The following ENOX1 variants were observed in gnomAD, a reference collection of about 807,000 sequenced individuals.
The protein encoded by ENOX1 is ecto-NOX disulfide-thiol exchanger 1, also known as candidate growth-related and time keeping constitutive hydroquinone (NADH) oxidase.
In ENOX1, 42 loss-of-function variants were observed where a neutral mutation model predicts 82.5. The observed-to-expected ratio is 0.51, with a 90% CI of 0.40 to 0.66. ENOX1 has a LOEUF of 0.66. Among genes scored for constraint, ENOX1 ranks in the 30% least tolerant of loss-of-function variants. The probability of loss-of-function intolerance (pLI) is 0.00; values close to 1 mark genes in which losing one functional copy is unlikely to be tolerated. For synonymous variants in ENOX1, 271 were observed against 282.2 expected (o/e 0.96, Z 0.40); for missense variants, 608 against 811.6 (o/e 0.75, Z 3.05).
chr13:43,708,305 A>T (rs1019284842), intron 1 of ENOX1, among the ~76,000 whole-genome samples: 1 of 152,142 alleles, frequency 6.6e-6, no homozygotes, highest in East Asian at 1.9e-4. Context: ...TCGACAGCCC[A>T]CCCTAAGGGA....
chr13:43,486,462 C>T (rs1566353843), intron 2 of ENOX1, among the ~76,000 whole-genome samples: 2 of 152,062 alleles, frequency 1.3e-5, no homozygotes, highest in African/African-American at 4.8e-5. Flanking sequence ...ACTAGTAGGC[C>T]CAGTTTTTAT....
chr13:43,625,001 A>C (rs1355834852), intron 2 of ENOX1, among the ~76,000 whole-genome samples: 4 of 152,084 alleles, frequency 2.6e-5, no homozygotes, highest in African/African-American at 7.2e-5. Context: ...TCCACTCCAT[A>C]AACATGGTAT....
intron 13 of ENOX1, among the ~76,000 whole-genome samples, chr13:43,268,297 A>G (rs1225118711): frequency 2.0e-5 from 3 of 152,158 alleles, no homozygotes; most frequent in Admixed American, 2.0e-4. Flanking sequence ...AACAGTGGAA[A>G]GCACAGTGAT....
At chr13:43,609,985 T>C in intron 2 of ENOX1, 2 of 760,298 alleles carry the variant, frequency 2.6e-6, no homozygotes, top group Non-Finnish European at 3.2e-6. Flanking sequence ...TATCAGGAAA[T>C]AACTTCCTAT....
At chr13:43,327,404 G>T (rs1423833336) in intron 9 of ENOX1, among the ~76,000 whole-genome samples, 2 of 152,198 alleles carry the variant, frequency 1.3e-5, no homozygotes, top group African/African-American at 4.8e-5. Flanking sequence ...ATGTTGAGGG[G>T]TTATGAACAA....
At chr13:43,259,218 C>A (rs1224140064) in intron 14 of ENOX1, among the ~76,000 whole-genome samples, 1 of 152,150 alleles carries the variant, frequency 6.6e-6, no homozygotes, top group Non-Finnish European at 1.5e-5. Context: ...CAGATTGAAA[C>A]TGGGCTGCTT....
At chr13:43,627,514 A>G (rs1470761760) in intron 2 of ENOX1, among the ~76,000 whole-genome samples, 1 of 152,038 alleles carries the variant, frequency 6.6e-6, no homozygotes, top group African/African-American at 2.4e-5. Context: ...TAGAAACCCT[A>G]TCTACTTTGA....
rs769737189 is a variant in ENOX1 at position 43,641,529 on chromosome 13, ATTTTTTTT to A, written c.-219+25942_-219+25949del. Among the ~76,000 whole-genome samples, 5 of 83,094 alleles carry A rather than the reference ATTTTTTTT, an allele frequency of 6.0e-5. No individual in the cohort carries two copies. The Admixed American group carries it at 7.9e-4, about 13-fold the overall frequency. 54.5% of individuals were successfully genotyped at this position (83,094 alleles called of 152,430 possible). On this transcript the variant is annotated intron_variant, in intron 2 of 16. Coordinates refer to ENST00000690772, the MANE Select transcript of ENOX1 (RefSeq NM_001347969.2). ...AGTAACAGAGTAACATTAATTTTTA[ATTTTTTTT>A]TTTTTTTTTTTTTTTTGAGACAGAG...
chr13:43,455,325 A>T (rs2057173545), intron 3 of ENOX1, among the ~76,000 whole-genome samples: 1 of 152,012 alleles, frequency 6.6e-6, no homozygotes, highest in South Asian at 2.1e-4. Flanking sequence ...TTTACATGTG[A>T]CCTGTGTTAC....
intron 12 of ENOX1, among the ~76,000 whole-genome samples, chr13:43,286,247 A>G (rs747468524): frequency 1.3e-5 from 2 of 152,244 alleles, no homozygotes; most frequent in Non-Finnish European, 2.9e-5. Context: ...TCAGCGTGGT[A>G]GGCCAGTATA....
intron 3 of ENOX1, among the ~76,000 whole-genome samples, chr13:43,442,171 G>C (rs1476698872): frequency 2.0e-5 from 3 of 152,134 alleles, no homozygotes; most frequent in Non-Finnish European, 2.9e-5. Context: ...CTGGGTATTA[G>C]TGCAGGCTGG....
intron 2 of ENOX1, among the ~76,000 whole-genome samples, chr13:43,633,436 A>C (rs527794803): frequency 6.6e-6 from 1 of 152,294 alleles, no homozygotes; most frequent in East Asian, 1.9e-4. Context: ...ACAAAGATAC[A>C]AGGTAGTTCA....
chr13:43,359,773 G>A (rs1594132435), intron 7 of ENOX1, 78 bp downstream of exon 7: 2 of 1,359,620 alleles, frequency 1.5e-6, no homozygotes, highest in Non-Finnish European at 2.1e-6. Flanking sequence ...TTGCATGAAG[G>A]CCAAAGGGAA....
chr13:43,416,372 C>T, intron 3 of ENOX1, among the ~76,000 whole-genome samples: 2 of 147,510 alleles, frequency 1.4e-5, no homozygotes, highest in African/African-American at 5.0e-5. Context: ...CAGAAGCGCT[C>T]CTCACATCCC....
Position 43,676,596 on chromosome 13 carries a change from C to T in ENOX1, c.-284-9052G>A, listed in dbSNP as rs147132311. On this transcript the variant is annotated intron_variant, in intron 1 of 16. Transcript: ENST00000690772. ...TGTTTTCTAGTTGATTTGCAGACTT[C>T]CTCTCTGCTGCTTTTCTCTAATAAT... Among the ~76,000 whole-genome samples, 18 of 150,770 alleles carry T rather than the reference C, an allele frequency of 1.2e-4. No individual in the cohort carries two copies. The East Asian group carries it at 3.0e-3, about 25-fold the overall frequency.
At chr13:43,767,381 C>A (rs1296223136) in intron 1 of ENOX1, among the ~76,000 whole-genome samples, 1 of 152,194 alleles carries the variant, frequency 6.6e-6, no homozygotes, top group Non-Finnish European at 1.5e-5. Flanking sequence ...ACCTTGGGAT[C>A]AGAACCTGTG....
intron 2 of ENOX1, among the ~76,000 whole-genome samples, chr13:43,624,610 G>T (rs1174783055): frequency 6.6e-6 from 1 of 151,934 alleles, no homozygotes; most frequent in African/African-American, 2.4e-5. Context: ...TTTGCCCATG[G>T]ATATCAAATT....
chr13:43,656,626 A>G (rs17538987), intron 2 of ENOX1, among the ~76,000 whole-genome samples: 427 of 152,308 alleles, frequency 2.8e-3, no homozygotes, highest in Middle Eastern at 6.8e-3. Flanking sequence ...GGTTTTAAGG[A>G]CATACTATAG....
rs1482272725 is a variant in ENOX1, at chr13:43,763,354, G to C, written c.-285+23298C>G. Among the ~76,000 whole-genome samples the C allele has an allele frequency of 2.0e-5, 3 of 152,242 alleles. No individual in the cohort carries two copies. In the East Asian group the frequency reaches 5.8e-4, roughly 29 times the overall value. Reference sequence around the variant, plus strand: ...TACCGCATTTTCACAGAGTGTAAAGGGGGCAAGGGAGTGCTCCTGGCTCTT... The same window carrying C: ...TACCGCATTTTCACAGAGTGTAAAGCGGGCAAGGGAGTGCTCCTGGCTCTT... On this transcript the variant is annotated intron_variant, in intron 1 of 16. Coordinates refer to ENST00000690772, the MANE Select transcript of ENOX1 (RefSeq NM_001347969.2).
Sources: allele counts gnomAD v4.1 joint callset (sites outside exome capture counted in the v4.1 genomes callset), GRCh38; gene constraint gnomAD v4.1.1; transcripts MANE v1.5; gene names NCBI Gene and HGNC (gene_info 2026-07-23, HGNC 2026-07-21).